CHD1L: variants seen among roughly 807,000 people sequenced by gnomAD.
CHD1L encodes the protein ATP-dependent chromatin remodeler CHD1L.
In CHD1L, 118 loss-of-function variants were observed where a neutral mutation model predicts 115.9. The ratio of observed to expected loss-of-function variants is 1.02; its 90% CI spans 0.88 to 1.19. The LOEUF (loss-of-function observed/expected upper bound fraction) is 1.19, where lower values mean the gene tolerates loss of function less well. Among genes scored for constraint, CHD1L ranks in the 50% most tolerant of loss-of-function variants. CHD1L has a pLI of 0.00. For synonymous variants in CHD1L, 411 were observed against 387.1 expected (o/e 1.06, Z -0.72); for missense variants, 1,179 against 1,065.3 (o/e 1.11, Z -1.49).
At chr1:147,274,659 C>A (rs1553956034) in intron 12 of CHD1L, among the ~76,000 whole-genome samples, 1 of 152,132 alleles carries the variant, frequency 6.6e-6, no homozygotes, top group Non-Finnish European at 1.5e-5. Context: ...CTCCTCAGCT[C>A]TCTTCCTGCA....
the CHD1L span, among the ~76,000 whole-genome samples, chr1:147,216,098 A>G: frequency 1.3e-5 from 2 of 152,238 alleles, no homozygotes; most frequent in African/African-American, 2.4e-5. Context: ...CTTCCCCTTG[A>G]ATCTCAGTTA....
At chr1:147,280,487 ATCT>A (rs777879272) in intron 15 of CHD1L, among the ~76,000 whole-genome samples, 22 of 152,310 alleles carry the variant, frequency 1.4e-4, no homozygotes, top group Non-Finnish European at 2.2e-4. Context: ...GGTTGCAAAC[ATCT>A]TCTTCTTTAT....
At chr1:147,213,514 C>T in the CHD1L span, 1 of 1,528,794 alleles carries the variant, frequency 6.5e-7, no homozygotes, top group Non-Finnish European at 8.8e-7. Context: ...CCTGACATGA[C>T]TCTCCTTGCA....
chr1:147,247,803 C>G (rs10751404), intron 1 of CHD1L, among the ~76,000 whole-genome samples: 5,614 of 152,264 alleles, frequency 0.037, 108 homozygotes, highest in African/African-American at 0.045. Context: ...AGGCTGCCCA[C>G]ATCACTTGAC....
At chr1:147,242,530 CT>C (rs1458469992), upstream of CHD1L, 22 of 606,726 alleles carry the variant, frequency 3.6e-5, no homozygotes, top group Admixed American at 4.0e-4. Context: ...CAAGAACTGC[CT>C]GTCCGGAAGG....
chr1:147,279,390 G>A (rs1256698078), intron 14 of CHD1L, among the ~76,000 whole-genome samples: 1 of 152,174 alleles, frequency 6.6e-6, no homozygotes, highest in Non-Finnish European at 1.5e-5. Flanking sequence ...GGAATAGGCT[G>A]AGAGTACTCC....
intron 7 of CHD1L, 153 bp downstream of exon 7, chr1:147,264,737 C>T (rs1353609975): frequency 1.4e-6 from 1 of 720,834 alleles, no homozygotes; most frequent in Non-Finnish European, 2.2e-6. Context: ...TGTTAAGTCA[C>T]ACATGTTGTT....
At chr1:147,186,980 T>G in the CHD1L span, 1 of 1,614,204 alleles carries the variant, frequency 6.2e-7, no homozygotes, top group Non-Finnish European at 8.5e-7. Context: ...GTCATAGAAC[T>G]ACTCCTTTCA....
the CHD1L span, chr1:147,209,659 A>G: frequency 6.6e-6 from 1 of 152,364 alleles, no homozygotes; most frequent in South Asian, 2.1e-4. Context: ...CTTTCCTCTT[A>G]ACTCTGCGAA....
At chr1:147,199,415 G>C in the CHD1L span, among the ~76,000 whole-genome samples, 1 of 152,126 alleles carries the variant, frequency 6.6e-6, no homozygotes, top group African/African-American at 2.4e-5. Context: ...CTTCCTTCCA[G>C]GTGTTAGAAA....
chr1:147,263,045 A>T (rs891629528), intron 6 of CHD1L, among the ~76,000 whole-genome samples: 1 of 152,296 alleles, frequency 6.6e-6, no homozygotes, highest in African/African-American at 2.4e-5. Context: ...ACATACATGT[A>T]TGTAAATGTG....
At chr1:147,292,322 T>C (rs587760473) in intron 20 of CHD1L, among the ~76,000 whole-genome samples, 3 of 152,358 alleles carry the variant, frequency 2.0e-5, no homozygotes, top group South Asian at 4.1e-4. Context: ...CTAACACATA[T>C]GTCCTCTGCC....
At chr1:147,276,357 A>G in intron 14 of CHD1L, 100 bp downstream of exon 14, 2 of 1,251,784 alleles carry the variant, frequency 1.6e-6, no homozygotes, top group South Asian at 1.4e-5. Flanking sequence ...CTCCCCAGCT[A>G]CACATTTGTT....
the CHD1L span, among the ~76,000 whole-genome samples, chr1:147,228,021 T>A: frequency 5.9e-5 from 9 of 151,598 alleles, no homozygotes; most frequent in East Asian, 1.9e-4. Flanking sequence ...TTTTTTTTTT[T>A]ATCATACTTT....
intron 5 of CHD1L, among the ~76,000 whole-genome samples, chr1:147,257,741 G>GA (rs1489562194): frequency 6.6e-6 from 1 of 152,090 alleles, no homozygotes; most frequent in Non-Finnish European, 1.5e-5. Flanking sequence ...TACGGGTGAG[G>GA]AAAATAAGAG....
chr1:147,225,136 G>A, the CHD1L span: 1 of 1,574,994 alleles, frequency 6.3e-7, no homozygotes, highest in South Asian at 1.2e-5. Flanking sequence ...CCTTGGCCGT[G>A]GCATTCGAAT....
At chr1:147,242,631 G>T (rs1890041), upstream of CHD1L, 3 of 1,236,608 alleles carry the variant, frequency 2.4e-6, no homozygotes, top group Admixed American at 4.1e-5. Flanking sequence ...GCGCAGTCGC[G>T]CGCCCCCGCG....
chr1:147,269,648 AC>A (rs1675346735), intron 10 of CHD1L, among the ~76,000 whole-genome samples: 1 of 140,298 alleles, frequency 7.1e-6, no homozygotes, highest in South Asian at 2.5e-4. Flanking sequence ...CAGCCTGGTG[AC>A]AGAGCGAGGC....
At chr1:147,231,527 C>G in the CHD1L span, among the ~76,000 whole-genome samples, 1 of 152,058 alleles carries the variant, frequency 6.6e-6, no homozygotes, top group Non-Finnish European at 1.5e-5. Context: ...TTAAGTCCAC[C>G]TGGTGCAGAG....
Sources: allele counts gnomAD v4.1 joint callset (sites outside exome capture counted in the v4.1 genomes callset), GRCh38; gene constraint gnomAD v4.1.1; transcripts MANE v1.5; gene names NCBI Gene and HGNC (gene_info 2026-07-23, HGNC 2026-07-21).